Variants in ZDHHC11 observed in about 807,000 individuals in gnomAD.
ZDHHC11 encodes zDHHC palmitoyltransferase 11, also known as palmitoyltransferase ZDHHC11.
In ZDHHC11, 44 loss-of-function variants were observed where a neutral mutation model predicts 51.3. That is an observed-to-expected ratio of 0.86 (90% CI 0.67 to 1.10). The LOEUF (loss-of-function observed/expected upper bound fraction) is 1.10, where lower values mean the gene tolerates loss of function less well. ZDHHC11 is among the 50% of genes least tolerant of loss of function. The pLI is 0.00. For synonymous variants in ZDHHC11, 163 were observed against 222.0 expected (o/e 0.73, Z 2.36); for missense variants, 400 against 537.7 (o/e 0.74, Z 2.53).
At chr5:801,567 G>T (rs935476611) in intron 11 of ZDHHC11, among the ~76,000 whole-genome samples, 19 of 151,152 alleles carry the variant, frequency 1.3e-4, no homozygotes, top group African/African-American at 4.6e-4. Context: ...TGGCTATCAG[G>T]GAGCCTTAAG....
chr5:796,081 C>A lies in ZDHHC11; in HGVS notation c.*507G>T, dbSNP rs377046779. 1,307 of 155,780 alleles carry A rather than the reference C, an allele frequency of 8.4e-3. No individual in the cohort carries two copies. The highest frequency in any genetic ancestry group is 0.031 in the African/African-American group (1,217 of 39,868). 9.6% of individuals were successfully genotyped at this position (155,780 alleles called of 1,614,324 possible). A position where few individuals can be genotyped will look rare whatever the true frequency, so the allele number is the denominator to read the frequency against. The stretch of plus-strand genomic sequence containing the variant: ...AGTACTGTGCTCCCATTTCCCAATA[C>A]TGTGCTCCCATTTTGCAGTGCTGTG... On this transcript the variant is annotated 3_prime_UTR_variant, in exon 13 of 13. Transcript: ENST00000283441.
Position 850,671 on chromosome 5 carries a change from A to T in ZDHHC11, c.-69T>A. 6.3e-7 allele frequency: 1 copy of T among 1,575,838 alleles called. No homozygotes were observed. Among genetic ancestry groups the T allele is most frequent in the Non-Finnish European group, 8.6e-7 (1 of 1,156,680 alleles). Reference sequence around the variant, plus strand: ...GAGGGCCGGCCCCGCCCACTGTCACAGAGACCAAGGGGACTGGGAATGCAG... The same window carrying T: ...GAGGGCCGGCCCCGCCCACTGTCACTGAGACCAAGGGGACTGGGAATGCAG... On this transcript the variant is annotated 5_prime_UTR_variant, in exon 1 of 13. Transcript: ENST00000283441.
rs1579494152 is a variant in ZDHHC11, at chr5:796,120, C to T, written c.*468G>A. 1 of 157,566 alleles carries T rather than the reference C, an allele frequency of 6.3e-6. No homozygotes were observed. Among genetic ancestry groups the T allele is most frequent in the South Asian group, 2.0e-4 (1 of 4,948 alleles). The allele number at this position is 157,566 out of a possible 1,614,324, so 9.8% of individuals were successfully genotyped here. On this transcript the variant is annotated 3_prime_UTR_variant, in exon 13 of 13. Transcript: ENST00000283441. ...TGCAGTGCTGTGAGCCCCCATTTCC[C>T]AGTACTGTGCTCCCATTTCCCAGTA...
In ZDHHC11 at chr5:817,354, G is replaced by C. The variant is rs113592003; in HGVS notation, c.1146+2171C>G. Reference sequence around the variant, plus strand: ...TTTAAAAAATTATTAATGTGTTGCTGTCTCTATCAATTCATATTTCCATAT... The same window carrying C: ...TTTAAAAAATTATTAATGTGTTGCTCTCTCTATCAATTCATATTTCCATAT... On this transcript the variant is annotated intron_variant, in intron 10 of 12. Coordinates refer to ENST00000283441, the MANE Select transcript of ZDHHC11 (RefSeq NM_024786.3). Among the ~76,000 whole-genome samples the C allele has an allele frequency of 5.9e-4, 90 of 151,600 alleles. 1 individual carries two copies. The highest frequency in any genetic ancestry group is 1.9e-3 in the African/African-American group (80 of 41,416).
At chr5:844,321 A>G (rs1745743556) in intron 3 of ZDHHC11, among the ~76,000 whole-genome samples, 1 of 152,298 alleles carries the variant, frequency 6.6e-6, no homozygotes, top group South Asian at 2.1e-4. Flanking sequence ...AATCCCCACA[A>G]GGAACAAGGA....
intron 8 of ZDHHC11, among the ~76,000 whole-genome samples, chr5:824,309 A>G (rs1379211355): frequency 6.6e-6 from 1 of 151,276 alleles, no homozygotes; most frequent in Non-Finnish European, 1.5e-5. Flanking sequence ...AATAAAAAAT[A>G]AATTGGCTGG....
At chr5:850,084 T>C (rs1746922812) in intron 1 of ZDHHC11, among the ~76,000 whole-genome samples, 1 of 152,256 alleles carries the variant, frequency 6.6e-6, no homozygotes, top group Admixed American at 6.5e-5. Flanking sequence ...GCAGGGATTT[T>C]AGCGGAAGGC....
At chr5:845,351 T>C (rs532016209) in intron 3 of ZDHHC11, among the ~76,000 whole-genome samples, 1 of 152,374 alleles carries the variant, frequency 6.6e-6, no homozygotes, top group South Asian at 2.1e-4. Context: ...CCCCTCTTCA[T>C]CCAGGAAAGA....
chr5:859,451 T>TA (rs371612410), upstream of ZDHHC11, among the ~76,000 whole-genome samples: 25 of 150,488 alleles, frequency 1.7e-4, no homozygotes, highest in African/African-American at 3.4e-4. Context: ...AAGACAACCC[T>TA]AAAAAAAAAC....
At position 850,744 on chromosome 5, in the gene ZDHHC11, C is replaced by G; in HGVS notation, c.-142G>C. 1 of 1,035,730 alleles carries G rather than the reference C, an allele frequency of 9.7e-7. No homozygotes were observed. The allele number at this position is 1,035,730 out of a possible 1,614,324, so 64.2% of individuals were successfully genotyped here. A position where few individuals can be genotyped will look rare whatever the true frequency, so the allele number is the denominator to read the frequency against. ...CCAATGGCCCAGCACTGCCTGGGGC[C>G]ACGTTCCCCGCAGAGGGAGCAGGGG... is the stretch of plus-strand genomic sequence containing the variant. On this transcript the variant is annotated 5_prime_UTR_variant, in exon 1 of 13. Transcript: ENST00000283441.
intron 4 of ZDHHC11, chr5:841,235 C>T (rs1455916958): frequency 4.0e-5 from 42 of 1,038,848 alleles, no homozygotes; most frequent in African/African-American, 7.1e-5. Context: ...CCGGCTCTGC[C>T]GGGCCCCAGC....
chr5:837,993 G>A (rs928603566), intron 5 of ZDHHC11, among the ~76,000 whole-genome samples: 8 of 151,936 alleles, frequency 5.3e-5, no homozygotes, highest in African/African-American at 1.9e-4. Context: ...GGAGGACCAC[G>A]CAGTGGGGCG....
In ZDHHC11 at chr5:819,652, T is replaced by C. The variant is rs775119924; in HGVS notation, c.1059-40A>G. 6.9e-6 allele frequency: 11 copies of C among 1,591,928 alleles called. No homozygotes were observed. The South Asian group carries it at 1.2e-4, about 18-fold the overall frequency. ...AGAAGGAAAGAAACACACCACAGTT[T>C]TGTAGGGCGCTCAGGATGGCACTGG... On this transcript the variant is annotated intron_variant, in intron 9 of 12. Coordinates refer to ENST00000283441, the MANE Select transcript of ZDHHC11 (RefSeq NM_024786.3).
intron 12 of ZDHHC11, among the ~76,000 whole-genome samples, chr5:797,081 A>G (rs1737691862): frequency 6.6e-6 from 1 of 150,918 alleles, no homozygotes; most frequent in South Asian, 2.1e-4. Flanking sequence ...GTGGTGGGCA[A>G]CTGTAGGCCC....
At chr5:809,521 G>T (rs1454430024) in intron 11 of ZDHHC11, among the ~76,000 whole-genome samples, 3 of 150,126 alleles carry the variant, frequency 2.0e-5, no homozygotes, top group Non-Finnish European at 4.4e-5. Context: ...GGAGGCCATC[G>T]GAGAACCCGG....
rs1410086707 is a variant in ZDHHC11 at position 809,127 on chromosome 5, A to G, written c.1181+5634T>C. ...CTTTACAAAAAAATAAAAAACAAAC[A>G]AAACCTGAACCCAGCACCTGGAAGC... On this transcript the variant is annotated intron_variant, in intron 11 of 12. Transcript: ENST00000283441. Among the ~76,000 whole-genome samples the G allele has an allele frequency of 6.1e-5, 9 of 146,852 alleles. No individual in the cohort carries two copies. The Admixed American group carries it at 6.2e-4, about 10-fold the overall frequency.
intron 9 of ZDHHC11, among the ~76,000 whole-genome samples, 195 bp from the exon 10 acceptor site, chr5:819,807 C>T (rs1039363091): frequency 6.6e-6 from 1 of 151,212 alleles, no homozygotes; most frequent in Non-Finnish European, 1.5e-5. Flanking sequence ...GAAGGAGCTT[C>T]TCGTGTAAAG....
chr5:857,392 G>A (rs140954056), intron 1 of ZDHHC11, among the ~76,000 whole-genome samples: 13 of 152,278 alleles, frequency 8.5e-5, no homozygotes, highest in Non-Finnish European at 1.8e-4. Context: ...AGACCCCAGA[G>A]ACCACAGGTG....
intron 9 of ZDHHC11, 146 bp downstream of exon 9, chr5:821,715 C>T (rs1407535593): frequency 5.5e-6 from 4 of 733,188 alleles, no homozygotes; most frequent in South Asian, 2.0e-5. Context: ...AGTTTTGCTG[C>T]TCTCTCGAAA....
Sources: gnomAD v4.1 joint callset for allele counts (sites outside exome capture counted in the v4.1 genomes callset) on GRCh38, gnomAD v4.1.1 for gene constraint, MANE v1.5 for transcripts, NCBI Gene and HGNC (gene_info 2026-07-23, HGNC 2026-07-21) for gene names.